TBC1D20: variants seen among roughly 807,000 people sequenced by gnomAD.
TBC1D20 encodes the protein chromosome 20 open reading frame 140.
TBC1D20 carries 12 observed loss-of-function variants against 41.6 expected under a neutral mutation model. The observed-to-expected ratio is 0.29, with a 90% CI of 0.18 to 0.47. The LOEUF (loss-of-function observed/expected upper bound fraction) is 0.47. Among genes scored for constraint, TBC1D20 ranks in the 20% least tolerant of loss-of-function variants. TBC1D20 has a pLI of 1.00. For missense variants in TBC1D20, 421 were observed against 517.4 expected (o/e 0.81, Z 1.81); for synonymous variants, 205 against 204.8 (o/e 1.00, Z -0.01).
At chr20:458,374 C>T (rs1195418996) in intron 1 of TBC1D20, among the ~76,000 whole-genome samples, 1 of 150,960 alleles carries the variant, frequency 6.6e-6, no homozygotes, top group South Asian at 2.1e-4. Flanking sequence ...AGAATAGTGG[C>T]ACGATCATGG....
In TBC1D20 at chr20:436,171, G is replaced by C. The variant is rs781288314; in HGVS notation, c.*2415C>G. On this transcript the variant is annotated 3_prime_UTR_variant, in exon 8 of 8. Coordinates refer to ENST00000354200, the MANE Select transcript of TBC1D20 (RefSeq NM_144628.4). ...TCTCCTAGCCAGTCAAGGCTGACCA[G>C]GAGTCCACAGACCATGGCACAGTTC... The C allele has an allele frequency of 1.3e-5, 2 of 152,208 alleles. No individual in the cohort carries two copies. The highest frequency in any genetic ancestry group is 2.9e-5 in the Non-Finnish European group (2 of 68,050). The allele number at this position is 152,208 out of a possible 1,614,324, so 9.4% of individuals were successfully genotyped here.
At chr20:454,650 C>CATTATTATTATTATTATT (rs11471553) in intron 1 of TBC1D20, among the ~76,000 whole-genome samples, 30 of 149,582 alleles carry the variant, frequency 2.0e-4, no homozygotes, top group African/African-American at 7.3e-4. Flanking sequence ...CAAAGCTGTA[C>CATTATTATTATTATTATT]ATTATTATTA....
chr20:459,064 A>G (rs1391639719), intron 1 of TBC1D20, among the ~76,000 whole-genome samples: 1 of 152,244 alleles, frequency 6.6e-6, no homozygotes, highest in East Asian at 1.9e-4. Flanking sequence ...AAGAGGAAAC[A>G]GAAAATTCAA....
chr20:452,136 G>A (rs981400457), intron 1 of TBC1D20, among the ~76,000 whole-genome samples: 1 of 151,880 alleles, frequency 6.6e-6, no homozygotes, highest in Non-Finnish European at 1.5e-5. Context: ...AGGAAACCCC[G>A]TCTCTACTAA....
intron 1 of TBC1D20, among the ~76,000 whole-genome samples, chr20:457,132 T>C (rs1166023299): frequency 1.3e-5 from 2 of 151,792 alleles, no homozygotes; most frequent in Non-Finnish European, 2.9e-5. Context: ...GACAGGGTTT[T>C]TCCATGTTGG....
rs909123808 is a variant in TBC1D20, at chr20:440,320, G to A, written c.696C>T (p.Phe232=). Residue 232 remains phenylalanine, a synonymous_variant, in exon 6 of 8, where the codon TTC becomes TTT. Transcript: ENST00000354200. ...AGTCATATAACCGCACGACGTGCCT[G>A]AAGTCAGACAGGACATGCCCAAACC... ...ITWFGHVLSD[F]RHVVRLYDFF... The A allele has an allele frequency of 1.9e-6, 3 of 1,614,172 alleles. No homozygotes were observed. The highest frequency in any genetic ancestry group is 2.5e-6 in the Non-Finnish European group (3 of 1,180,042).
intron 1 of TBC1D20, among the ~76,000 whole-genome samples, chr20:456,594 G>A (rs932123026): frequency 1.3e-5 from 2 of 152,004 alleles, no homozygotes; most frequent in East Asian, 1.9e-4. Context: ...ACGGAGTTAC[G>A]CTCTTTGTTG....
chr20:447,463 G>C (rs1047526040), intron 2 of TBC1D20, among the ~76,000 whole-genome samples: 11 of 151,842 alleles, frequency 7.2e-5, no homozygotes, highest in African/African-American at 2.7e-4. Flanking sequence ...TTCGAGACCA[G>C]CCTGGTCAAC....
At chr20:456,919 G>A (rs1306023624) in intron 1 of TBC1D20, among the ~76,000 whole-genome samples, 1 of 146,706 alleles carries the variant, frequency 6.8e-6, no homozygotes, top group Non-Finnish European at 1.5e-5. Flanking sequence ...AATATATTCT[G>A]GATCCTTCTT....
intron 3 of TBC1D20, among the ~76,000 whole-genome samples, chr20:444,026 G>A (rs2017285931): frequency 6.6e-6 from 1 of 152,072 alleles, no homozygotes. Flanking sequence ...AGCTACTTGG[G>A]AGGCTGAGGC....
At chr20:453,177 A>AC (rs2017477611) in intron 1 of TBC1D20, among the ~76,000 whole-genome samples, 1 of 140,510 alleles carries the variant, frequency 7.1e-6, no homozygotes, top group African/African-American at 2.6e-5. Flanking sequence ...AAAAAAAAAA[A>AC]AAAAAAAAAA....
intron 5 of TBC1D20, 91 bp downstream of exon 5, chr20:441,497 G>A: frequency 8.8e-7 from 1 of 1,134,630 alleles, no homozygotes; most frequent in Non-Finnish European, 1.3e-6. Context: ...AGACAATGAG[G>A]AAACTGCGCT....
At chr20:461,243 A>G (rs2122434454) in intron 1 of TBC1D20, among the ~76,000 whole-genome samples, 1 of 152,344 alleles carries the variant, frequency 6.6e-6, no homozygotes, top group South Asian at 2.1e-4. Flanking sequence ...TCATAATTTT[A>G]ACTGTCATGT....
intron 1 of TBC1D20, among the ~76,000 whole-genome samples, chr20:460,804 C>CT (rs1029303591): frequency 2.0e-5 from 3 of 152,206 alleles, no homozygotes; most frequent in African/African-American, 4.8e-5. Context: ...AAAACCTCAT[C>CT]TTTAAATTTG....
At chr20:450,075 C>T (rs1013368498) in intron 1 of TBC1D20, among the ~76,000 whole-genome samples, 2 of 151,880 alleles carry the variant, frequency 1.3e-5, no homozygotes, top group Non-Finnish European at 2.9e-5. Context: ...CTCGATACTA[C>T]ATTGAAAACA....
At chr20:450,366 G>A (rs995793806) in intron 1 of TBC1D20, among the ~76,000 whole-genome samples, 1 of 150,268 alleles carries the variant, frequency 6.7e-6, no homozygotes, top group Non-Finnish European at 1.5e-5. Flanking sequence ...GGCTGGTCTC[G>A]AACTCCTGAC....
chr20:450,734 C>A (rs188334051), intron 1 of TBC1D20: 1 of 152,156 alleles, frequency 6.6e-6, no homozygotes, highest in African/African-American at 2.4e-5. Context: ...TCCTTTTCCA[C>A]GCCCACTGCT....
At chr20:456,134 G>C (rs1449389076) in intron 1 of TBC1D20, among the ~76,000 whole-genome samples, 2 of 151,878 alleles carry the variant, frequency 1.3e-5, no homozygotes, top group Non-Finnish European at 2.9e-5. Context: ...ATAGGTGGGC[G>C]TGACGGCGTG....
rs116992027 is a variant in TBC1D20, at chr20:455,087, T to G, written c.71-7013A>C. The stretch of plus-strand genomic sequence containing the variant: ...CTAGCTGGTTTGGAGCCATGTGCAA[T>G]TGGAAGTGCGACAGAAAGATAATAG... On this transcript the variant is annotated intron_variant, in intron 1 of 7. Transcript: ENST00000354200. 1.0e-3 allele frequency among the ~76,000 whole-genome samples: 153 copies of G among 152,310 alleles called. 4 individuals are homozygous for G. In the East Asian group the frequency reaches 0.025, roughly 25 times the overall value.
Sources: gnomAD v4.1 joint callset for allele counts (sites outside exome capture counted in the v4.1 genomes callset) on GRCh38, gnomAD v4.1.1 for gene constraint, MANE v1.5 for transcripts, NCBI Gene and HGNC (gene_info 2026-07-23, HGNC 2026-07-21) for gene names.